The following RGS6 variants were observed in gnomAD, a reference collection of about 807,000 sequenced individuals.
RGS6 encodes the protein regulator of G-protein signaling 6.
In RGS6, 30 loss-of-function variants were observed where a neutral mutation model predicts 78.5. The observed-to-expected ratio is 0.38, with a 90% CI of 0.29 to 0.52. RGS6 has a LOEUF of 0.52. RGS6 is among the 20% of genes least tolerant of loss of function. RGS6 has a pLI of 0.85. For synonymous variants in RGS6, 206 were observed against 206.0 expected (o/e 1.00, Z 0.00); for missense variants, 495 against 609.7 (o/e 0.81, Z 1.98).
At chr14:72,376,737 T>C (rs748895451) in intron 3 of RGS6, among the ~76,000 whole-genome samples, 10 of 152,156 alleles carry the variant, frequency 6.6e-5, no homozygotes, top group Admixed American at 1.3e-4. Flanking sequence ...AGCAAAGCCA[T>C]TCTTTAGAAA....
intron 2 of RGS6, among the ~76,000 whole-genome samples, chr14:72,073,792 A>G (rs771858464): frequency 1.3e-5 from 2 of 152,200 alleles, no homozygotes; most frequent in Non-Finnish European, 2.9e-5. Context: ...ATATATACAT[A>G]TTAATAAAAT....
chr14:72,555,758 C>CCTAA (rs1396936393), intron 17 of RGS6, among the ~76,000 whole-genome samples: 23 of 152,234 alleles, frequency 1.5e-4, no homozygotes, highest in Admixed American at 2.6e-4. Flanking sequence ...TATAGAAATG[C>CCTAA]CTAACTGGCA....
intron 13 of RGS6, among the ~76,000 whole-genome samples, chr14:72,502,256 T>A (rs4441203): frequency 0.021 from 3,221 of 152,220 alleles, 86 homozygotes; most frequent in East Asian, 0.075. Context: ...GAGCTCCTGG[T>A]CAGCAACTAG....
chr14:72,512,279 T>G (rs531642803), intron 14 of RGS6, among the ~76,000 whole-genome samples: 1 of 152,310 alleles, frequency 6.6e-6, no homozygotes, highest in South Asian at 2.1e-4. Flanking sequence ...CCCAGGAGCA[T>G]CCACTGGCTC....
chr14:72,090,457 G>T (rs1167844393), intron 2 of RGS6, among the ~76,000 whole-genome samples: 2 of 152,198 alleles, frequency 1.3e-5, no homozygotes. Flanking sequence ...GAGGGATCTA[G>T]GTTACCTGCT....
the RGS6 span, among the ~76,000 whole-genome samples, chr14:71,888,236 C>A: frequency 6.6e-6 from 1 of 151,720 alleles, no homozygotes; most frequent in Non-Finnish European, 1.5e-5. Context: ...GAGTGAAACT[C>A]CATCTCAAAA....
intron 17 of RGS6, among the ~76,000 whole-genome samples, chr14:72,542,156 T>C (rs1487021595): frequency 1.3e-5 from 2 of 152,170 alleles, no homozygotes; most frequent in Non-Finnish European, 2.9e-5. Flanking sequence ...CAAGAAACTC[T>C]AACAGGTGAT....
chr14:71,948,820 A>G lies in RGS6; in HGVS notation c.-21+15879A>G, dbSNP rs532388307. On this transcript the variant is annotated intron_variant, in intron 1 of 17. Transcript: ENST00000553525. Reference sequence around the variant, plus strand: ...AGGATGGCCAGGAACTCCTAGGCTCAAGCAGTCCTCCCACTTCAGCCTCTC... The same window carrying G: ...AGGATGGCCAGGAACTCCTAGGCTCGAGCAGTCCTCCCACTTCAGCCTCTC... Among the ~76,000 whole-genome samples, 11 of 141,540 alleles carry G rather than the reference A, an allele frequency of 7.8e-5. No homozygotes were observed. The East Asian group carries it at 2.3e-3, about 30-fold the overall frequency. 92.9% of individuals were successfully genotyped at this position (141,540 alleles called of 152,430 possible). A position where few individuals can be genotyped will look rare whatever the true frequency, so the allele number is the denominator to read the frequency against.
chr14:72,304,852 G>A (rs1031284023), intron 2 of RGS6, among the ~76,000 whole-genome samples: 1 of 151,796 alleles, frequency 6.6e-6, no homozygotes, highest in African/African-American at 2.4e-5. Context: ...TGCACTCCAG[G>A]CTGGGCACAG....
chr14:72,405,859 G>A (rs533294101), intron 3 of RGS6, among the ~76,000 whole-genome samples: 1 of 152,246 alleles, frequency 6.6e-6, no homozygotes, highest in African/African-American at 2.4e-5. Context: ...TTTCAATGGT[G>A]GTCACCCCCT....
At chr14:71,928,566 A>G (rs968159254), upstream of RGS6, among the ~76,000 whole-genome samples, 3 of 152,190 alleles carry the variant, frequency 2.0e-5, no homozygotes, top group African/African-American at 7.2e-5. Flanking sequence ...CTGTCAATGA[A>G]GTTATTGAAA....
At chr14:72,004,501 A>G (rs536440258) in intron 2 of RGS6, among the ~76,000 whole-genome samples, 2 of 152,356 alleles carry the variant, frequency 1.3e-5, no homozygotes, top group African/African-American at 2.4e-5. Flanking sequence ...AAGATGAAAA[A>G]TAATTGCTAT....
intron 2 of RGS6, among the ~76,000 whole-genome samples, chr14:72,181,645 A>T (rs2097174392): frequency 6.6e-6 from 1 of 152,336 alleles, no homozygotes; most frequent in African/African-American, 2.4e-5. Flanking sequence ...CTCTTCAACC[A>T]TATTTGAAAG....
intron 2 of RGS6, among the ~76,000 whole-genome samples, chr14:72,337,118 A>C (rs926464366): frequency 5.9e-5 from 9 of 152,052 alleles, no homozygotes; most frequent in Non-Finnish European, 1.2e-4. Context: ...TGTCATAGGA[A>C]TATCACCCAT....
chr14:72,470,449 T>C (rs1157678457), intron 8 of RGS6, among the ~76,000 whole-genome samples: 5 of 152,108 alleles, frequency 3.3e-5, no homozygotes, highest in Non-Finnish European at 7.3e-5. Context: ...GAAAACAGGT[T>C]GGAGTTTTAG....
intron 12 of RGS6, 84 bp from the exon 13 acceptor site, chr14:72,495,068 A>G: frequency 7.6e-6 from 6 of 788,776 alleles, no homozygotes; most frequent in Admixed American, 4.0e-5. Context: ...TTATGTGAAG[A>G]CTGCTATAAT....
At chr14:72,367,204 C>T (rs941007017) in intron 3 of RGS6, among the ~76,000 whole-genome samples, 3 of 152,152 alleles carry the variant, frequency 2.0e-5, no homozygotes, top group African/African-American at 4.8e-5. Context: ...GTGTTTGATG[C>T]GTTCTCCCTG....
At chr14:71,946,304 A>G (rs1388846705) in intron 1 of RGS6, among the ~76,000 whole-genome samples, 1 of 152,110 alleles carries the variant, frequency 6.6e-6, no homozygotes, top group African/African-American at 2.4e-5. Context: ...TGAGATGGTT[A>G]CTGAAAGAGA....
intron 2 of RGS6, among the ~76,000 whole-genome samples, chr14:72,234,385 AGAAAT>A (rs1401028502): frequency 6.6e-6 from 1 of 152,166 alleles, no homozygotes; most frequent in African/African-American, 2.4e-5. Context: ...GTATAAAAAC[AGAAAT>A]GATGCCAGCT....
Sources: allele counts gnomAD v4.1 joint callset (sites outside exome capture counted in the v4.1 genomes callset), GRCh38; gene constraint gnomAD v4.1.1; transcripts MANE v1.5; gene names NCBI Gene and HGNC (gene_info 2026-07-23, HGNC 2026-07-21).